CUX2: variants seen among roughly 807,000 people sequenced by gnomAD.
CUX2 encodes homeobox protein cut-like 2.
Under a neutral mutation model 144.8 loss-of-function variants are expected in CUX2, and 40 were observed. The observed-to-expected ratio is 0.28, with a 90% confidence interval of 0.21 to 0.36. The LOEUF (loss-of-function observed/expected upper bound fraction) is 0.36, where lower values mean the gene tolerates loss of function less well. Among genes scored for constraint, CUX2 ranks in the 10% least tolerant of loss-of-function variants. The probability of loss-of-function intolerance (pLI) is 1.00; values close to 1 mark genes in which losing one functional copy is unlikely to be tolerated. For synonymous variants in CUX2, 827 were observed against 875.6 expected (o/e 0.94, Z 0.98); for missense variants, 1,615 against 1,994.0 (o/e 0.81, Z 3.62).
chr12:111,104,501 C>T (rs1376334198), intron 1 of CUX2, among the ~76,000 whole-genome samples: 8 of 152,188 alleles, frequency 5.3e-5, no homozygotes, highest in Admixed American at 5.2e-4. Context: ...AGGGGAAGAG[C>T]CTGATTCAAA....
intron 1 of CUX2, among the ~76,000 whole-genome samples, chr12:111,150,754 G>C (rs1410258950): frequency 6.6e-6 from 1 of 152,132 alleles, no homozygotes; most frequent in South Asian, 2.1e-4. Flanking sequence ...AAAAGCCTCG[G>C]GGGGTGGGAG....
Position 111,347,974 on chromosome 12 carries a change from G to A in CUX2, c.4110G>A (p.Gly1370=). The A allele has an allele frequency of 6.2e-7, 1 of 1,614,110 alleles. No individual in the cohort carries two copies. Among genetic ancestry groups the A allele is most frequent in the Non-Finnish European group, 8.5e-7 (1 of 1,180,022 alleles). ...ATCCCCAACAGGAGAGTGAGGCCGG[G>A]GAGCGACTTCACCCGGACCCTTTAA... ...SLHPQQESEA[G]ERLHPDPLSF... Residue 1370 remains glycine (G), a synonymous_variant, in exon 22 of 22, where the codon GGG becomes GGA. Coordinates refer to ENST00000261726, the MANE Select transcript of CUX2 (RefSeq NM_015267.4).
intron 1 of CUX2, among the ~76,000 whole-genome samples, chr12:111,078,259 G>A (rs1871644190): frequency 6.6e-6 from 1 of 152,202 alleles, no homozygotes; most frequent in Admixed American, 6.5e-5. Context: ...TTCCATTCTG[G>A]TGGGAGGAGC....
At chr12:111,128,863 C>G in intron 1 of CUX2, among the ~76,000 whole-genome samples, 1 of 152,182 alleles carries the variant, frequency 6.6e-6, no homozygotes, top group East Asian at 1.9e-4. Flanking sequence ...TCATATGGCC[C>G]AAGCAATAGA....
chr12:111,220,588 C>T (rs930955118), intron 3 of CUX2, among the ~76,000 whole-genome samples: 2 of 151,624 alleles, frequency 1.3e-5, no homozygotes, highest in African/African-American at 4.9e-5. Context: ...TTCAGCTTTC[C>T]TCCTCTGGCA....
intron 1 of CUX2, among the ~76,000 whole-genome samples, chr12:111,191,925 G>A (rs1879915534): frequency 1.3e-5 from 2 of 152,136 alleles, no homozygotes; most frequent in South Asian, 4.1e-4. Context: ...TGGGGAGCAG[G>A]AGTCAGTCTC....
chr12:111,087,366 C>CAAAAAAAAAAA (rs1159500448), intron 1 of CUX2, among the ~76,000 whole-genome samples: 53 of 45,046 alleles, frequency 1.2e-3, no homozygotes, highest in Non-Finnish European at 1.8e-3. Context: ...GACTCCATCT[C>CAAAAAAAAAAA]AAAAAAAAAA....
intron 14 of CUX2, 87 bp from the exon 15 acceptor site, chr12:111,309,954 C>G: frequency 2.6e-6 from 3 of 1,164,070 alleles, no homozygotes; most frequent in Middle Eastern, 2.2e-4. Context: ...TCTCTCTCCC[C>G]CTCTGGTTCT....
intron 1 of CUX2, among the ~76,000 whole-genome samples, chr12:111,200,548 T>G (rs1880514610): frequency 6.6e-6 from 1 of 151,932 alleles, no homozygotes; most frequent in Admixed American, 6.6e-5. Flanking sequence ...GCTTCTGTCG[T>G]GGGGTCATCT....
In CUX2 at chr12:111,334,521, AGCCTGT is replaced by A; in HGVS notation, c.3008_3013del (p.Ser1003_Ser1005delinsThr). 6.2e-7 allele frequency: 1 copy of A among 1,613,658 alleles called. No homozygotes were observed. Among genetic ancestry groups the A allele is most frequent in the Non-Finnish European group, 8.5e-7 (1 of 1,179,952 alleles). On this transcript the variant is annotated inframe_deletion, in exon 19 of 22. Coordinates refer to ENST00000261726, the MANE Select transcript of CUX2 (RefSeq NM_015267.4). The stretch of plus-strand genomic sequence containing the variant: ...TGAGAAGAGCTCCCAGGAGCCGTTG[AGCCTGT>A]CCCTGGAGAGCAGCAAGGAGAACCA...
chr12:111,114,781 C>A (rs1874188620), intron 1 of CUX2, among the ~76,000 whole-genome samples: 1 of 152,202 alleles, frequency 6.6e-6, no homozygotes, highest in Non-Finnish European at 1.5e-5. Flanking sequence ...TTTGGAAGTG[C>A]TGTTGCTTTA....
intron 3 of CUX2, among the ~76,000 whole-genome samples, chr12:111,262,604 C>T (rs1884182358): frequency 6.6e-6 from 1 of 152,046 alleles, no homozygotes; most frequent in Non-Finnish European, 1.5e-5. Flanking sequence ...GTTTCGAACT[C>T]CTGAGCTCAA....
intron 8 of CUX2, among the ~76,000 whole-genome samples, chr12:111,298,086 G>A (rs931922227): frequency 5.9e-5 from 9 of 152,146 alleles, no homozygotes; most frequent in African/African-American, 1.7e-4. Context: ...CGTGCCCCCC[G>A]CGTCTCCCAC....
At chr12:111,278,115 C>T (rs1006928755) in intron 4 of CUX2, among the ~76,000 whole-genome samples, 1 of 152,176 alleles carries the variant, frequency 6.6e-6, no homozygotes, top group African/African-American at 2.4e-5. Flanking sequence ...GTCCCTGTTC[C>T]ATGTAACATA....
chr12:111,272,808 C>T (rs963842600), intron 4 of CUX2, among the ~76,000 whole-genome samples: 2 of 152,172 alleles, frequency 1.3e-5, no homozygotes, highest in Admixed American at 6.6e-5. Context: ...TCCTGCCACA[C>T]CTCTGCCCAT....
chr12:111,138,436 A>G (rs1450688287), intron 1 of CUX2, among the ~76,000 whole-genome samples: 1 of 152,054 alleles, frequency 6.6e-6, no homozygotes, highest in Non-Finnish European at 1.5e-5. Flanking sequence ...TCAGCCCTTC[A>G]TTATTCCAGA....
chr12:111,310,387 C>T lies in CUX2; in HGVS notation c.1605C>T (p.Pro535=), dbSNP rs773342605. ...PGPEPLGGPE[P]ADGGGGGAAG... is the part of the protein sequence containing the mutation. ...CTGAGCCACTGGGCGGTCCTGAGCC[C>T]GCGGATGGTGGTGGGGGCGGAGCGG... The change falls in exon 15 of 22, where the codon CCC becomes CCT. Residue 535 remains proline, a synonymous_variant. Coordinates refer to ENST00000261726, the MANE Select transcript of CUX2 (RefSeq NM_015267.4). The surrounding 1 kb of genome is among the most constrained non-coding windows in gnomAD (Gnocchi z 7.9). 33 of 1,604,578 alleles carry T rather than the reference C, an allele frequency of 2.1e-5. No individual in the cohort carries two copies. The highest frequency in any genetic ancestry group is 1.8e-4 in the Middle Eastern group (1 of 5,540).
chr12:111,099,668 T>A (rs1243956222), intron 1 of CUX2: 3 of 456,526 alleles, frequency 6.6e-6, no homozygotes, highest in Middle Eastern at 3.2e-4. Context: ...AGGTGGGGGA[T>A]GTCTCTGCCA....
At position 111,039,114 on chromosome 12, in the gene CUX2, C is replaced by T. The variant is rs1869610639; in HGVS notation, c.63+4874C>T. On this transcript the variant is annotated intron_variant, in intron 1 of 21. Transcript: ENST00000261726. This position sits in a 1 kb window ranked among gnomAD's most constrained non-coding sequence, Gnocchi z 4.2. ...CTGGATGATGGTAGACAAGGCTGCC[C>T]AGAAACTGTGGTTTTCTGTGCTGCT... 6.6e-6 allele frequency among the ~76,000 whole-genome samples: 1 copy of T among 152,052 alleles called. No homozygotes were observed. Among genetic ancestry groups the T allele is most frequent in the East Asian group, 1.9e-4 (1 of 5,188 alleles).
Sources: gnomAD v4.1 joint callset for allele counts (sites outside exome capture counted in the v4.1 genomes callset) on GRCh38, gnomAD v4.1.1 for gene constraint, Gnocchi (gnomAD v3.1) non-coding constraint, MANE v1.5 for transcripts, NCBI Gene and HGNC (gene_info 2026-07-23, HGNC 2026-07-21) for gene names.